ZNF568: variants seen among roughly 807,000 people sequenced by gnomAD.
ZNF568 encodes zinc finger protein 568.
ZNF568 carries 11 observed loss-of-function variants against 18.1 expected under a neutral mutation model. That is an observed-to-expected ratio of 0.61 (90% CI 0.38 to 1.00). The LOEUF (loss-of-function observed/expected upper bound fraction) is 1.00, where lower values mean the gene tolerates loss of function less well. Ranked by LOEUF, ZNF568 falls within the 50% of genes least tolerant of loss-of-function variation. ZNF568 has a pLI of 0.01. For synonymous variants in ZNF568, 213 were observed against 246.6 expected (o/e 0.86, Z 1.28); for missense variants, 639 against 768.2 (o/e 0.83, Z 1.99).
chr19:36,928,882 TA>T (rs1371513734), intron 4 of ZNF568, among the ~76,000 whole-genome samples: 4 of 152,268 alleles, frequency 2.6e-5, no homozygotes, highest in African/African-American at 9.6e-5. Flanking sequence ...CTTTTTTGGA[TA>T]AGAGCCATCA....
chr19:36,986,809 A>T (rs547843686), intron 2 of ZNF568, among the ~76,000 whole-genome samples: 1 of 152,234 alleles, frequency 6.6e-6, no homozygotes, highest in East Asian at 1.9e-4. Context: ...CTCCCTTCAT[A>T]GACTGCTGTG....
At chr19:36,997,510 A>G (rs758059921), downstream of ZNF568, 9 of 1,588,256 alleles carry the variant, frequency 5.7e-6, no homozygotes, top group African/African-American at 1.2e-4. Flanking sequence ...GTCAGAACTC[A>G]CACATCATGA....
At chr19:36,963,466 A>C (rs1472247904) in intron 6 of ZNF568, among the ~76,000 whole-genome samples, 1 of 152,228 alleles carries the variant, frequency 6.6e-6, no homozygotes, top group Non-Finnish European at 1.5e-5. Context: ...ATTAATGACC[A>C]TGTCCTAAAG....
chr19:36,997,773 T>TG (rs1312023825), downstream of ZNF568: 4 of 551,130 alleles, frequency 7.3e-6, no homozygotes, highest in African/African-American at 1.3e-4. Context: ...CATACTGATT[T>TG]GGAAAAAAAA....
chr19:36,962,121 G>GT (rs34079346), intron 6 of ZNF568, among the ~76,000 whole-genome samples: 25,666 of 141,342 alleles, frequency 0.18, 2,278 homozygotes, highest in African/African-American at 0.22. Context: ...GTTGTTTTAT[G>GT]TTTTTTTTTT....
downstream of ZNF568, among the ~76,000 whole-genome samples, chr19:36,982,083 A>G (rs2074336320): frequency 6.6e-6 from 1 of 152,114 alleles, no homozygotes. Context: ...CAACTTGATC[A>G]TATCATTGAT....
At chr19:36,953,375 G>A (rs997211907), downstream of ZNF568, among the ~76,000 whole-genome samples, 1 of 152,160 alleles carries the variant, frequency 6.6e-6, no homozygotes, top group Non-Finnish European at 1.5e-5. Context: ...GTGTAAAAGT[G>A]TGTTGGTTTT....
At chr19:36,945,034 T>G (rs1157896068) in intron 6 of ZNF568, among the ~76,000 whole-genome samples, 2 of 152,142 alleles carry the variant, frequency 1.3e-5, no homozygotes, top group Admixed American at 1.3e-4. Flanking sequence ...TTTGATTTAA[T>G]TTTTATTTTT....
chr19:36,971,965 G>C (rs2074239462), intron 6 of ZNF568, among the ~76,000 whole-genome samples: 1 of 151,270 alleles, frequency 6.6e-6, no homozygotes, highest in South Asian at 2.1e-4. Context: ...CTCCTGAGTA[G>C]CTGGGACTAC....
At chr19:36,918,508 T>C (rs1327777804) in intron 2 of ZNF568, among the ~76,000 whole-genome samples, 1 of 152,192 alleles carries the variant, frequency 6.6e-6, no homozygotes, top group Non-Finnish European at 1.5e-5. Context: ...ACGTGTTCAG[T>C]ACAGACACAA....
chr19:36,935,979 G>C (rs183030173), intron 4 of ZNF568, among the ~76,000 whole-genome samples: 2 of 151,858 alleles, frequency 1.3e-5, no homozygotes, highest in East Asian at 3.9e-4. Context: ...TAAAATTATT[G>C]GGCTATGTCT....
intron 7 of ZNF568, among the ~76,000 whole-genome samples, chr19:36,978,790 T>C (rs1238392632): frequency 6.6e-6 from 1 of 152,086 alleles, no homozygotes; most frequent in Non-Finnish European, 1.5e-5. Context: ...AGTTCCCAGA[T>C]TGCACAGTCT....
At chr19:36,938,477 G>A (rs2073826553) in intron 6 of ZNF568, among the ~76,000 whole-genome samples, 1 of 152,096 alleles carries the variant, frequency 6.6e-6, no homozygotes, top group African/African-American at 2.4e-5. Flanking sequence ...ATTTATAGTA[G>A]TAAGAACAAA....
Position 36,950,543 on chromosome 19 carries a change from C to T in ZNF568, c.1390C>T (p.His464Tyr), listed in dbSNP as rs1489941128. The change falls in exon 7 of 7, where the codon CAT becomes TAT. Residue 464 changes from histidine (H) to tyrosine (Y), a missense_variant. His to Tyr is a moderately conservative substitution (Grantham distance 83). Transcript: ENST00000333987. ...CAGCAGGAAAGAAAATCTCATTACA[C>T]ATCAGAAAATTCACACTGGAGAGAA... ...AFSRKENLITHQKIHTGEKPY... is the reference protein window; with the variant it reads ...AFSRKENLITYQKIHTGEKPY... 6.2e-7 allele frequency: 1 copy of T among 1,613,620 alleles called. No individual in the cohort carries two copies. Among genetic ancestry groups the T allele is most frequent in the Admixed American group, 1.7e-5 (1 of 60,004 alleles).
At chr19:36,944,382 G>C (rs1303956981) in intron 6 of ZNF568, among the ~76,000 whole-genome samples, 1 of 149,210 alleles carries the variant, frequency 6.7e-6, no homozygotes, top group African/African-American at 2.5e-5. Context: ...TGGACAACAA[G>C]AGCAAAACTC....
chr19:36,997,112 C>A, exon 5 of ZNF568: 1 of 1,567,900 alleles, frequency 6.4e-7, no homozygotes, highest in Non-Finnish European at 8.6e-7. Flanking sequence ...ATAATCCATA[C>A]TGGTGAAAGA....
intron 7 of ZNF568, among the ~76,000 whole-genome samples, chr19:36,976,523 T>C (rs913076786): frequency 6.6e-6 from 1 of 152,226 alleles, no homozygotes; most frequent in Admixed American, 6.5e-5. Context: ...AGGGCCTTAT[T>C]ATCAGTGACA....
intron 4 of ZNF568, among the ~76,000 whole-genome samples, chr19:36,927,844 A>G (rs7246755): frequency 1.3e-4 from 11 of 83,840 alleles, no homozygotes; most frequent in East Asian, 7.8e-4. Flanking sequence ...ATAAAGATAT[A>G]TGTGTGTGTG....
intron 4 of ZNF568, among the ~76,000 whole-genome samples, chr19:36,936,340 G>A (rs563485857): frequency 6.6e-6 from 1 of 152,220 alleles, no homozygotes; most frequent in Admixed American, 6.5e-5. Context: ...AGAAAAGAGA[G>A]CAAATATGTA....
Sources: gnomAD v4.1 joint callset for allele counts (sites outside exome capture counted in the v4.1 genomes callset) on GRCh38, gnomAD v4.1.1 for gene constraint, MANE v1.5 for transcripts, NCBI Gene and HGNC (gene_info 2026-07-23, HGNC 2026-07-21) for gene names.